Variants in GBP2 observed in about 807,000 individuals in gnomAD.
The protein encoded by GBP2 is guanylate-binding protein 2.
Under a neutral mutation model 60.8 loss-of-function variants are expected in GBP2, and 54 were observed. The observed-to-expected ratio is 0.89, with a 90% confidence interval of 0.71 to 1.11. The LOEUF (loss-of-function observed/expected upper bound fraction) is 1.11, where lower values mean the gene tolerates loss of function less well. Among genes scored for constraint, GBP2 ranks in the 50% most tolerant of loss-of-function variants. The pLI is 0.00. For missense variants in GBP2, 665 were observed against 703.3 expected, an observed-to-expected ratio of 0.95 and a Z score of 0.62; for synonymous variants, 243 against 256.5, an observed-to-expected ratio of 0.95 and a Z score of 0.50.
chr1:89,117,170 C>G lies in GBP2; in HGVS notation c.690G>C (p.Lys230Asn). The change falls in exon 6 of 11, where the codon AAG (lysine) becomes AAC (asparagine). Residue 230 changes from lysine to asparagine, a missense_variant. Lys to Asn is a moderately conservative substitution (Grantham distance 94). Coordinates refer to ENST00000370466, the MANE Select transcript of GBP2 (RefSeq NM_004120.5). ...GCCAATCGAAGACGAAGCACTTCCTCTTGGGGAAGAACTTTCGGATGCACA... is the reference window on the plus strand; with the variant it reads ...GCCAATCGAAGACGAAGCACTTCCTGTTGGGGAAGAACTTTCGGATGCACA... ...PRLCIRKFFP[K>N]RKCFVFDWPA... The G allele has an allele frequency of 6.2e-7, 1 of 1,614,158 alleles. No homozygotes were observed. Among genetic ancestry groups the G allele is most frequent in the Non-Finnish European group, 8.5e-7 (1 of 1,180,016 alleles).
chr1:89,120,420 A>G (rs1004086188), intron 3 of GBP2, 132 bp from the exon 4 acceptor site: 3 of 698,482 alleles, frequency 4.3e-6, no homozygotes, highest in Non-Finnish European at 7.6e-6. Flanking sequence ...TCACTTCCTT[A>G]TGCAGTATTT....
At chr1:89,108,485 T>C (rs1681097851) in intron 10 of GBP2, among the ~76,000 whole-genome samples, 194 bp from the exon 11 acceptor site, 1 of 152,218 alleles carries the variant, frequency 6.6e-6, no homozygotes, top group Non-Finnish European at 1.5e-5. Context: ...TTCTAAAATA[T>C]TAGTGACCCA....
intron 6 of GBP2, among the ~76,000 whole-genome samples, chr1:89,115,417 A>G (rs1681249519): frequency 6.6e-6 from 1 of 152,152 alleles, no homozygotes; most frequent in Non-Finnish European, 1.5e-5. Context: ...ATGTATAAAC[A>G]TAAATTAGAT....
Position 89,120,287 on chromosome 1 carries a change from C to G in GBP2, c.320G>C (p.Gly107Ala). 1 of 1,610,850 alleles carries G rather than the reference C, an allele frequency of 6.2e-7. No individual in the cohort carries two copies. The highest frequency in any genetic ancestry group is 8.5e-7 in the Non-Finnish European group (1 of 1,177,134). The change falls in exon 4 of 11, where the codon GGT becomes GCT. Residue 107 changes from glycine to alanine, a missense_variant and splice_region_variant. Gly to Ala is a moderately conservative substitution (Grantham distance 60). Coordinates refer to ENST00000370466, the MANE Select transcript of GBP2 (RefSeq NM_004120.5). The stretch of plus-strand genomic sequence containing the variant: ...GATCCAGGAGTCATTCTCATTGTCA[C>G]CCTGTAAGTCATTGTAGAAGCCACA... ...DTEGLGDIEK[G>A]DNENDSWIFA...
chr1:89,117,487 A>G, intron 5 of GBP2, 90 bp downstream of exon 5: 1 of 1,212,996 alleles, frequency 8.2e-7, no homozygotes, highest in South Asian at 1.3e-5. Flanking sequence ...ATACAGTTAA[A>G]AATTATAATT....
chr1:89,121,770 C>T lies in GBP2; in HGVS notation c.190+7G>A, dbSNP rs1313352985. On this transcript the variant is annotated splice_region_variant and intron_variant, in intron 2 of 10. Coordinates refer to ENST00000370466, the MANE Select transcript of GBP2 (RefSeq NM_004120.5). Reference sequence around the variant, plus strand: ...AAGGGGCTTAGAGCTTTGCTGGTGTCACTCACCGTTTTTCTTCCCAGCCAG... The same window carrying T: ...AAGGGGCTTAGAGCTTTGCTGGTGTTACTCACCGTTTTTCTTCCCAGCCAG... The T allele has an allele frequency of 5.6e-6, 9 of 1,613,026 alleles. No individual in the cohort carries two copies. The highest frequency in any genetic ancestry group is 1.6e-4 in the Middle Eastern group (1 of 6,062).
chr1:89,110,372 A>G, intron 8 of GBP2, 106 bp from the exon 9 acceptor site: 1 of 830,358 alleles, frequency 1.2e-6, no homozygotes, highest in Non-Finnish European at 2.0e-6. Flanking sequence ...ATTACACAAA[A>G]AAGATACTTG....
chr1:89,124,673 T>A (rs1166262372), intron 1 of GBP2, among the ~76,000 whole-genome samples: 1 of 152,208 alleles, frequency 6.6e-6, no homozygotes, highest in Non-Finnish European at 1.5e-5. Context: ...CTTCTTCCTA[T>A]CACTATGCAG....
rs375563316 is a variant in GBP2, at chr1:89,117,337, T to A, written c.626-103A>T. 1.9e-4 allele frequency: 199 copies of A among 1,074,028 alleles called. 15 individuals are homozygous for A. Among genetic ancestry groups the A allele is most frequent in the East Asian group, 5.1e-4 (20 of 38,886 alleles). The allele number at this position is 1,074,028 out of a possible 1,614,324, so 66.5% of individuals were successfully genotyped here. A position where few individuals can be genotyped will look rare whatever the true frequency, so the allele number is the denominator to read the frequency against. ...ACAAAGCCCATGTAAGGAGGAAATT[T>A]ATTAGGAAGAAGAAATAAAAAATTA... On this transcript the variant is annotated intron_variant, in intron 5 of 10. Coordinates refer to ENST00000370466, the MANE Select transcript of GBP2 (RefSeq NM_004120.5).
At chr1:89,115,007 C>T (rs1355458117) in intron 6 of GBP2, among the ~76,000 whole-genome samples, 1 of 152,100 alleles carries the variant, frequency 6.6e-6, no homozygotes, top group Non-Finnish European at 1.5e-5. Context: ...ATTTTTAATG[C>T]CTATCTTATA....
At chr1:89,122,663 G>A (rs1221693748) in intron 1 of GBP2, among the ~76,000 whole-genome samples, 1 of 152,062 alleles carries the variant, frequency 6.6e-6, no homozygotes, top group African/African-American at 2.4e-5. Flanking sequence ...TTGATCACTT[G>A]GTTAAGGTGT....
At chr1:89,117,831 C>A in intron 4 of GBP2, 58 bp from the exon 5 acceptor site, 1 of 1,322,300 alleles carries the variant, frequency 7.6e-7, no homozygotes, top group Non-Finnish European at 1.0e-6. Context: ...TACATTTTAT[C>A]CTAATGCTTA....
At chr1:89,111,426 A>G (rs1032588066) in intron 8 of GBP2, among the ~76,000 whole-genome samples, 1 of 152,216 alleles carries the variant, frequency 6.6e-6, no homozygotes, top group African/African-American at 2.4e-5. Context: ...CCACACCAAA[A>G]AAACTATTAG....
rs562295434 is a variant in GBP2 at position 89,113,490 on chromosome 1, G to A, written c.1149+526C>T. 8.5e-5 allele frequency among the ~76,000 whole-genome samples: 13 copies of A among 152,244 alleles called. No individual in the cohort carries two copies. In the South Asian group the frequency reaches 2.7e-3, roughly 32 times the overall value. On this transcript the variant is annotated intron_variant, in intron 7 of 10. Coordinates refer to ENST00000370466, the MANE Select transcript of GBP2 (RefSeq NM_004120.5). ...TTATAAGATCCTGCCTTCCTAGCTA[G>A]GGAAAGGACTTTCATTTGTCAAGTG... is the stretch of plus-strand genomic sequence containing the variant.
In GBP2 at chr1:89,114,235, C is replaced by T; in HGVS notation, c.930G>A (p.Met310Ile). 1 of 1,614,236 alleles carries T rather than the reference C, an allele frequency of 6.2e-7. No individual in the cohort carries two copies. The highest frequency in any genetic ancestry group is 8.5e-7 in the Non-Finnish European group (1 of 1,180,044). Residue 310 changes from methionine (M) to isoleucine (I), a missense_variant, in exon 7 of 11, where the codon ATG becomes ATA. By Grantham distance (10) the Met-to-Ile change is conservative. Coordinates refer to ENST00000370466, the MANE Select transcript of GBP2 (RefSeq NM_004120.5). The part of the protein sequence containing the change: ...NAISSGDLPC[M>I]ENAVLALAQI... ...GGGCCAAGGCCAGGACTGCGTTCTCCATGCAGGGTAGATCCCCACTGCTGA... is the reference window on the plus strand; with the variant it reads ...GGGCCAAGGCCAGGACTGCGTTCTCTATGCAGGGTAGATCCCCACTGCTGA...
intron 1 of GBP2, among the ~76,000 whole-genome samples, chr1:89,124,487 G>A (rs529861901): frequency 6.6e-6 from 1 of 152,284 alleles, no homozygotes; most frequent in Non-Finnish European, 1.5e-5. Flanking sequence ...GCAAAGCTGA[G>A]CTCACTAAGC....
chr1:89,122,098 C>T (rs959167941), intron 1 of GBP2, 115 bp from the exon 2 acceptor site: 46 of 641,554 alleles, frequency 7.2e-5, no homozygotes, highest in Non-Finnish European at 9.2e-5. Flanking sequence ...TTTTCATATA[C>T]GTTTTTTAAA....
chr1:89,112,202 A>G (rs1215803914), intron 8 of GBP2, among the ~76,000 whole-genome samples: 1 of 152,152 alleles, frequency 6.6e-6, no homozygotes, highest in African/African-American at 2.4e-5. Flanking sequence ...AGTTCCTGGT[A>G]TACAGTTAGG....
In GBP2 at chr1:89,106,311, G is replaced by A. The variant is rs942491695; in HGVS notation, c.*1864C>T. 2.2e-4 allele frequency: 33 copies of A among 152,166 alleles called. No homozygotes were observed. Among genetic ancestry groups the A allele is most frequent in the Non-Finnish European group, 1.0e-4 (7 of 68,018 alleles). 9.4% of individuals were successfully genotyped at this position (152,166 alleles called of 1,614,324 possible). ...AAAATACTAACTGTTTGAAAGGTAA[G>A]AGCAATAACTAAACTGAGGCATAAA... On this transcript the variant is annotated 3_prime_UTR_variant, in exon 11 of 11. Transcript: ENST00000370466.
Sources: allele counts gnomAD v4.1 joint callset (sites outside exome capture counted in the v4.1 genomes callset), GRCh38; gene constraint gnomAD v4.1.1; transcripts MANE v1.5; gene names NCBI Gene and HGNC (gene_info 2026-07-23, HGNC 2026-07-21).